Variants in ZFHX3 observed in about 807,000 individuals in gnomAD.
The protein encoded by ZFHX3 is zinc finger homeobox protein 3.
A neutral mutation model predicts 279.1 loss-of-function variants in ZFHX3; 42 were observed. The observed-to-expected ratio is 0.15, with a 90% confidence interval of 0.12 to 0.19. The LOEUF (loss-of-function observed/expected upper bound fraction) is 0.19. Ranked by LOEUF, ZFHX3 falls within the 10% of genes least tolerant of loss-of-function variation. The probability of loss-of-function intolerance (pLI) is 1.00; values close to 1 mark genes in which losing one functional copy is unlikely to be tolerated. For synonymous variants in ZFHX3, 2,293 were observed against 1,957.8 expected (o/e 1.17, Z -4.52); for missense variants, 4,981 against 4,754.0 (o/e 1.05, Z -1.40).
intron 1 of ZFHX3, among the ~76,000 whole-genome samples, chr16:73,681,167 A>G (rs1567549954): frequency 6.6e-6 from 1 of 152,228 alleles, no homozygotes; most frequent in Non-Finnish European, 1.5e-5. Context: ...TTGCATGCAT[A>G]AGCATCTTGC....
At chr16:73,065,183 A>G (rs1344558529) in intron 8 of ZFHX3, among the ~76,000 whole-genome samples, 3 of 152,224 alleles carry the variant, frequency 2.0e-5, no homozygotes, top group African/African-American at 7.2e-5. Context: ...CCTGGCTCCC[A>G]TCTGCACATA....
chr16:72,793,517 G>A lies in ZFHX3; in HGVS notation c.9165C>T (p.Thr3055=), dbSNP rs1339111906. Residue 3055 remains threonine, a synonymous_variant, in exon 9 of 10, where the codon ACC becomes ACT. Transcript: ENST00000268489. The surrounding 1 kb of genome is among the most constrained non-coding windows in gnomAD (Gnocchi z 4.3). ...SQQHISKVKD[T]IGSQLDKEKE... ...TCTCCTTGTCCAGCTGGCTTCCAAT[G>A]GTGTCTTTAACTTTGGAGATATGCT... The A allele has an allele frequency of 6.2e-7, 1 of 1,614,030 alleles. No individual in the cohort carries two copies. Among genetic ancestry groups the A allele is most frequent in the Non-Finnish European group, 8.5e-7 (1 of 1,180,046 alleles).
At chr16:73,223,010 T>G (rs2012475034) in intron 5 of ZFHX3, among the ~76,000 whole-genome samples, 1 of 152,118 alleles carries the variant, frequency 6.6e-6, no homozygotes, top group South Asian at 2.1e-4. Context: ...CAACTGGACA[T>G]CCAATATAAA....
At position 72,812,000 on chromosome 16, in the gene ZFHX3, G is replaced by T; in HGVS notation, c.3568C>A (p.Pro1190Thr). 1.9e-6 allele frequency: 3 copies of T among 1,614,164 alleles called. No homozygotes were observed. The highest frequency in any genetic ancestry group is 2.2e-5 in the South Asian group (2 of 91,078). The change falls in exon 6 of 10, where the codon CCT becomes ACT. Residue 1190 changes from proline to threonine, a missense_variant. Physicochemically the swap from Pro to Thr is conservative, Grantham distance 38. Around this residue, in one of 7 missense-constraint regions of ZFHX3, gnomAD observed 1,751 missense variants for 1,770.0 expected, o/e 0.99. Transcript: ENST00000268489. Reference protein sequence around the residue: ...SQAEKELTDSPATSKRISFPG... With the variant: ...SQAEKELTDSTATSKRISFPG... ...AAGGAGATGCGTTTGGAGGTTGCAG[G>T]AGAATCTGTCAGCTCCTTCTCTGCT... is the stretch of plus-strand genomic sequence containing the variant.
At chr16:72,990,081 C>T (rs1963023784) in intron 1 of ZFHX3, among the ~76,000 whole-genome samples, 1 of 151,352 alleles carries the variant, frequency 6.6e-6, no homozygotes, top group Non-Finnish European at 1.5e-5. Context: ...CCCACCGTTT[C>T]TGTTCAAATC....
At chr16:73,411,612 G>A (rs147390038) in intron 3 of ZFHX3, among the ~76,000 whole-genome samples, 8 of 152,102 alleles carry the variant, frequency 5.3e-5, no homozygotes, top group Non-Finnish European at 8.8e-5. Context: ...TGGGGTATAA[G>A]TTTACCTTGT....
At chr16:73,289,967 A>T (rs2014725941) in intron 4 of ZFHX3, among the ~76,000 whole-genome samples, 1 of 151,994 alleles carries the variant, frequency 6.6e-6, no homozygotes, top group Admixed American at 6.6e-5. Context: ...CAATTCCAAT[A>T]TGAAGATTAT....
At chr16:73,078,934 G>A (rs1345109025) in intron 8 of ZFHX3, among the ~76,000 whole-genome samples, 3 of 152,006 alleles carry the variant, frequency 2.0e-5, no homozygotes, top group South Asian at 2.1e-4. Context: ...GTGAGCCACC[G>A]CGCCCGGCCC....
At chr16:73,683,545 G>C (rs1269368905) in intron 1 of ZFHX3, among the ~76,000 whole-genome samples, 1 of 152,058 alleles carries the variant, frequency 6.6e-6, no homozygotes, top group East Asian at 1.9e-4. Flanking sequence ...ACATGTTTTG[G>C]GATTTTTTTT....
chr16:73,620,729 C>T (rs2052350687), intron 2 of ZFHX3, among the ~76,000 whole-genome samples: 1 of 152,110 alleles, frequency 6.6e-6, no homozygotes, highest in Admixed American at 6.6e-5. Flanking sequence ...CTTTTTGTTC[C>T]ACTTCTGATA....
intron 1 of ZFHX3, among the ~76,000 whole-genome samples, chr16:73,729,190 C>T (rs887955653): frequency 1.3e-5 from 2 of 152,164 alleles, no homozygotes; most frequent in Non-Finnish European, 2.9e-5. Context: ...CTTCACCACA[C>T]CCACTGCTGG....
In ZFHX3 at chr16:72,882,387, G is replaced by A. The variant is rs1378423485; in HGVS notation, c.3448+7344C>T. ...CACGTGTCATATGCTGAAACAACAC[G>A]CACAAAACCCTGGTAGCTTCATCAT... On this transcript the variant is annotated intron_variant, in intron 4 of 9. Transcript: ENST00000268489. Among the ~76,000 whole-genome samples the A allele has an allele frequency of 5.9e-5, 9 of 152,126 alleles. 1 individual carries two copies. Among genetic ancestry groups the A allele is most frequent in the East Asian group, 1.9e-4 (1 of 5,172 alleles).
At chr16:73,528,511 A>G (rs532280015) in intron 2 of ZFHX3, among the ~76,000 whole-genome samples, 153 of 152,350 alleles carry the variant, frequency 1.0e-3, no homozygotes, top group African/African-American at 3.6e-3. Flanking sequence ...CAATCCCAGC[A>G]GGGAAATTAA....
chr16:73,381,994 A>C (rs1234175895), intron 3 of ZFHX3, among the ~76,000 whole-genome samples: 1 of 152,212 alleles, frequency 6.6e-6, no homozygotes, highest in Non-Finnish European at 1.5e-5. Flanking sequence ...ACAATACATA[A>C]ATGAGTGGGC....
chr16:73,144,926 C>T (rs1966856881), intron 5 of ZFHX3, among the ~76,000 whole-genome samples: 1 of 152,200 alleles, frequency 6.6e-6, no homozygotes, highest in African/African-American at 2.4e-5. Context: ...ATCTAATTCC[C>T]CCACTGTAAA....
intron 4 of ZFHX3, among the ~76,000 whole-genome samples, chr16:72,861,488 T>C (rs1450244860): frequency 6.6e-6 from 1 of 152,052 alleles, no homozygotes; most frequent in East Asian, 1.9e-4. Context: ...GCACATTTCA[T>C]TACACCAGTG....
intron 5 of ZFHX3, among the ~76,000 whole-genome samples, chr16:73,175,098 G>T (rs1383760627): frequency 6.6e-6 from 1 of 151,876 alleles, no homozygotes; most frequent in Non-Finnish European, 1.5e-5. Context: ...AACCCCACTT[G>T]GCCTGGTGTG....
chr16:73,278,044 G>T (rs770416219), intron 4 of ZFHX3, among the ~76,000 whole-genome samples: 1 of 152,122 alleles, frequency 6.6e-6, no homozygotes, highest in Non-Finnish European at 1.5e-5. Flanking sequence ...CAACACTGGG[G>T]ATTACAATTT....
chr16:73,470,744 G>A lies in ZFHX3; in HGVS notation c.-1546-14486C>T, dbSNP rs1259330516. Among the ~76,000 whole-genome samples, 4 of 152,312 alleles carry A rather than the reference G, an allele frequency of 2.6e-5. No homozygotes were observed. The East Asian group carries it at 7.7e-4, about 29-fold the overall frequency. ...GGCACACAGGAAATTAAATGTGAAAGTATCATTAACATGGAAGTTGTGAGT... is the reference window on the plus strand; with the variant it reads ...GGCACACAGGAAATTAAATGTGAAAATATCATTAACATGGAAGTTGTGAGT... On this transcript the variant is annotated intron_variant, in intron 2 of 17. Transcript: ENST00000641206.
Sources: allele counts gnomAD v4.1 joint callset (sites outside exome capture counted in the v4.1 genomes callset), GRCh38; gene constraint gnomAD v4.1.1; regional missense constraint gnomAD v4.1.1; non-coding constraint Gnocchi (gnomAD v3.1); transcripts MANE v1.5; gene names NCBI Gene and HGNC (gene_info 2026-07-23, HGNC 2026-07-21).